The following ZNF84 variants were observed in gnomAD, a reference collection of about 807,000 sequenced individuals.
ZNF84 encodes the protein zinc finger protein HPF2.
A neutral mutation model predicts 14.8 loss-of-function variants in ZNF84; 12 were observed. That is an observed-to-expected ratio of 0.81 (90% confidence interval 0.52 to 1.31). The LOEUF is 1.31. Among genes scored for constraint, ZNF84 ranks in the 50% most tolerant of loss-of-function variants. The pLI, the probability that ZNF84 is intolerant of heterozygous loss-of-function variation, is 0.00. For synonymous variants in ZNF84, 347 were observed against 291.1 expected, an observed-to-expected ratio of 1.19 and a Z score of -1.96; for missense variants, 859 against 878.6, an observed-to-expected ratio of 0.98 and a Z score of 0.28.
Position 133,058,641 on chromosome 12 carries a change from C to A in ZNF84, c.1926C>A (p.Leu642=), listed in dbSNP as rs1353602537. The A allele has an allele frequency of 6.2e-7, 1 of 1,614,046 alleles. No individual in the cohort carries two copies. Among genetic ancestry groups the A allele is most frequent in the Non-Finnish European group, 8.5e-7 (1 of 1,180,030 alleles). The change falls in exon 5 of 5, where the codon CTC becomes CTA. Residue 642 remains leucine, a synonymous_variant. Transcript: ENST00000539354. ...AAGCCTTCAGGGAGAAGTCAAGTCT[C>A]ATCAATCATCAGAGAATACATACAG... ...CRKAFREKSS[L]INHQRIHTGE... is the part of the protein sequence containing the mutation.
intron 1 of ZNF84, chr12:133,037,825 A>AGCCTCG (rs1286552496): frequency 1.3e-4 from 6 of 46,836 alleles, no homozygotes; most frequent in African/African-American, 2.5e-4. Flanking sequence ...GGGCGCGTTT[A>AGCCTCG]GCCTCGGGCG....
chr12:133,052,237 T>C (rs1954082308), intron 4 of ZNF84, among the ~76,000 whole-genome samples: 2 of 152,224 alleles, frequency 1.3e-5, no homozygotes, highest in South Asian at 2.1e-4. Flanking sequence ...TGGGGAGGGC[T>C]GTCTTCCTGC....
chr12:133,061,841 G>T lies in ZNF84; in HGVS notation c.*2909G>T, dbSNP rs878924666. ...AAAACTGATGCAGAGGTTCAAATAC[G>T]TTGTGCAGTAATCACTAGAACTCAC... On this transcript the variant is annotated 3_prime_UTR_variant, in exon 5 of 5. Transcript: ENST00000539354. The T allele has an allele frequency of 1.3e-4, 20 of 152,294 alleles. No homozygotes were observed. In the East Asian group the frequency reaches 2.9e-3, roughly 22 times the overall value. The allele number at this position is 152,294 out of a possible 1,614,324, so 9.4% of individuals were successfully genotyped here. A position where few individuals can be genotyped will look rare whatever the true frequency, so the allele number is the denominator to read the frequency against.
intron 2 of ZNF84, among the ~76,000 whole-genome samples, chr12:133,041,791 G>A (rs1251868108): frequency 1.3e-5 from 2 of 152,128 alleles, no homozygotes; most frequent in Admixed American, 6.5e-5. Flanking sequence ...GCTTTGCATC[G>A]TTTAAAGGTA....
chr12:133,046,061 G>A (rs1404321467), intron 2 of ZNF84, among the ~76,000 whole-genome samples: 1 of 151,414 alleles, frequency 6.6e-6, no homozygotes, highest in Admixed American at 6.6e-5. Context: ...TTTTCTGGTG[G>A]CATTCTAGAT....
Position 133,058,611 on chromosome 12 carries a change from T to C in ZNF84, c.1896T>C (p.Cys632=). The part of the protein sequence containing the change: ...TGEKPYECNE[C]RKAFREKSSL... ...AAAAACCTTATGAATGCAATGAATG[T>C]AGAAAAGCCTTCAGGGAGAAGTCAA... The change falls in exon 5 of 5, where the codon TGT becomes TGC. Residue 632 remains cysteine (C), a synonymous_variant. Transcript: ENST00000539354. The C allele has an allele frequency of 1.2e-6, 2 of 1,614,198 alleles. No individual in the cohort carries two copies. Among genetic ancestry groups the C allele is most frequent in the Non-Finnish European group, 1.7e-6 (2 of 1,180,026 alleles).
chr12:133,039,458 A>G (rs888163715), intron 1 of ZNF84, among the ~76,000 whole-genome samples: 2 of 152,222 alleles, frequency 1.3e-5, no homozygotes, highest in Non-Finnish European at 2.9e-5. Flanking sequence ...AGGATAGAGA[A>G]TTAACATTTG....
Position 133,062,922 on chromosome 12 carries a change from T to G in ZNF84, c.*3990T>G. The stretch of plus-strand genomic sequence containing the variant: ...AATGCCCTTGTTCCTTGTTAATGCC[T>G]ATTGAATCTATATGAACCTGTACGT... On this transcript the variant is annotated 3_prime_UTR_variant, in exon 5 of 5. Transcript: ENST00000539354. 5.2e-6 allele frequency: 3 copies of G among 573,526 alleles called. No homozygotes were observed. In the South Asian group the frequency reaches 7.0e-5, roughly 13 times the overall value. The allele number at this position is 573,526 out of a possible 1,614,324, so 35.5% of individuals were successfully genotyped here. A position where few individuals can be genotyped will look rare whatever the true frequency, so the allele number is the denominator to read the frequency against.
Position 133,058,238 on chromosome 12 carries a change from T to G in ZNF84, c.1523T>G (p.Ile508Ser). 1 of 1,612,912 alleles carries G rather than the reference T, an allele frequency of 6.2e-7. No individual in the cohort carries two copies. The highest frequency in any genetic ancestry group is 8.5e-7 in the Non-Finnish European group (1 of 1,179,730). Residue 508 changes from isoleucine to serine, a missense_variant, in exon 5 of 5, where the codon ATT becomes AGT. Transcript: ENST00000539354. The part of the protein sequence containing the change: ...EKLSLTNHQR[I>S]HTGEKPYVCS... Reference sequence around the variant, plus strand: ...TTAAGTCTCACTAATCATCAAAGAATTCATACAGGAGAAAAACCATATGTA... The same window carrying G: ...TTAAGTCTCACTAATCATCAAAGAAGTCATACAGGAGAAAAACCATATGTA...
chr12:133,050,484 G>A, intron 4 of ZNF84: 1 of 398,638 alleles, frequency 2.5e-6, no homozygotes, highest in Non-Finnish European at 4.4e-6. Context: ...TGGCGATGCA[G>A]TGGCAGCATC....
Position 133,057,997 on chromosome 12 carries a change from G to C in ZNF84, c.1282G>C (p.Glu428Gln). The C allele has an allele frequency of 3.1e-6, 5 of 1,613,818 alleles. No homozygotes were observed. Among genetic ancestry groups the C allele is most frequent in the Non-Finnish European group, 4.2e-6 (5 of 1,179,984 alleles). ...TAATCATCAGAGAACACATACAGGA[G>C]AGAAACCTCATGGATGCATTCAGTG... ...LINHQRTHTG[E>Q]KPHGCIQCGK... The change falls in exon 5 of 5, where the codon GAG becomes CAG. Residue 428 changes from glutamate to glutamine, a missense_variant. By Grantham distance (29) the Glu-to-Gln change is conservative (BLOSUM62 2). Coordinates refer to ENST00000539354, the MANE Select transcript of ZNF84 (RefSeq NM_001289971.2).
Position 133,057,449 on chromosome 12 carries a change from C to G in ZNF84, c.734C>G (p.Pro245Arg). ...FGCGNCGKTF[P>R]QKSQFITHHR... ...TGTGGTAATTGTGGCAAAACCTTTC[C>G]CCAGAAGTCTCAGTTTATTACACAT... Residue 245 changes from proline (P) to arginine (R), a missense_variant, in exon 5 of 5, where the codon CCC becomes CGC. By Grantham distance (103) the Pro-to-Arg change is moderately radical (BLOSUM62 -2). Coordinates refer to ENST00000539354, the MANE Select transcript of ZNF84 (RefSeq NM_001289971.2). 6.2e-7 allele frequency: 1 copy of G among 1,614,182 alleles called. No individual in the cohort carries two copies. The highest frequency in any genetic ancestry group is 1.1e-5 in the South Asian group (1 of 91,086).
chr12:133,055,018 A>G (rs1489297759), intron 4 of ZNF84, among the ~76,000 whole-genome samples: 2 of 152,146 alleles, frequency 1.3e-5, no homozygotes, highest in Non-Finnish European at 2.9e-5. Flanking sequence ...GAATTCCAAA[A>G]TCAAAGGGCA....
intron 1 of ZNF84, among the ~76,000 whole-genome samples, chr12:133,039,784 A>T (rs1013854301): frequency 7.2e-5 from 11 of 152,216 alleles, no homozygotes; most frequent in Admixed American, 6.5e-4. Context: ...GGAGGGGGGA[A>T]AAACAGTAAC....
intron 4 of ZNF84, among the ~76,000 whole-genome samples, chr12:133,052,020 C>CA (rs1954077908): frequency 6.6e-6 from 1 of 151,650 alleles, no homozygotes; most frequent in Non-Finnish European, 1.5e-5. Flanking sequence ...TGCTGGAGGA[C>CA]AAAAAAAGAA....
intron 3 of ZNF84, 127 bp from the exon 4 acceptor site, chr12:133,048,626 G>A: frequency 1.6e-6 from 1 of 624,238 alleles, no homozygotes. Context: ...CTGTAACTTT[G>A]AGAATTACTT....
rs1954190213 is a variant in ZNF84 at position 133,057,918 on chromosome 12, A to G, written c.1203A>G (p.Lys401=). Residue 401 remains lysine (K), a synonymous_variant, in exon 5 of 5, where the codon AAA becomes AAG. Coordinates refer to ENST00000539354, the MANE Select transcript of ZNF84 (RefSeq NM_001289971.2). ...ATCAGACAATTCATACTGGAGAGAA[A>G]CCCTATGAATGCAGCGAGTGTAGGA... ...IRHQTIHTGE[K]PYECSECRKA... is the part of the protein sequence containing the mutation. The G allele has an allele frequency of 6.2e-7, 1 of 1,613,948 alleles. No individual in the cohort carries two copies. The highest frequency in any genetic ancestry group is 1.1e-5 in the South Asian group (1 of 91,076).
chr12:133,058,053 C>G lies in ZNF84; in HGVS notation c.1338C>G (p.Leu446=). 1.2e-6 allele frequency: 2 copies of G among 1,613,762 alleles called. No homozygotes were observed. The highest frequency in any genetic ancestry group is 1.7e-6 in the Non-Finnish European group (2 of 1,179,972). The change falls in exon 5 of 5, where the codon CTC becomes CTG. Residue 446 remains leucine (L), a synonymous_variant. Coordinates refer to ENST00000539354, the MANE Select transcript of ZNF84 (RefSeq NM_001289971.2). ...CGKAFSQKSH[L]ISHQMTHTGE... ...AGGCCTTCTCCCAGAAGTCACATCT[C>G]ATATCACATCAGATGACACACACAG... is the stretch of plus-strand genomic sequence containing the variant.
chr12:133,056,693 A>T lies in ZNF84; in HGVS notation c.239-261A>T, dbSNP rs12299933. Among the ~76,000 whole-genome samples, 1,009 of 152,200 alleles carry T rather than the reference A, an allele frequency of 6.6e-3. 8 individuals carry two copies. Among genetic ancestry groups the T allele is most frequent in the South Asian group, 0.013 (65 of 4,820 alleles). ...TTCTAACCTTTTTTCTTTGCTTTTC[A>T]TGTGTTTTTCATATTCCCCATTTAA... On this transcript the variant is annotated intron_variant, in intron 4 of 4. Transcript: ENST00000539354.
Sources: gnomAD v4.1 joint callset for allele counts (sites outside exome capture counted in the v4.1 genomes callset) on GRCh38, gnomAD v4.1.1 for gene constraint, MANE v1.5 for transcripts, NCBI Gene and HGNC (gene_info 2026-07-23, HGNC 2026-07-21) for gene names.